KIAA0825: variants seen among roughly 807,000 people sequenced by gnomAD.
The protein encoded by KIAA0825 is KIAA0825.
KIAA0825 carries 119 observed loss-of-function variants against 147.6 expected under a neutral mutation model. That is an observed-to-expected ratio of 0.81 (90% CI 0.69 to 0.94). The LOEUF (loss-of-function observed/expected upper bound fraction) is 0.94, where lower values mean the gene tolerates loss of function less well. Ranked by LOEUF, KIAA0825 falls within the 40% of genes least tolerant of loss-of-function variation. The probability of loss-of-function intolerance (pLI) is 0.00; values close to 1 mark genes in which losing one functional copy is unlikely to be tolerated. For missense variants in KIAA0825, 1,381 were observed against 1,472.7 expected (o/e 0.94, Z 1.02); for synonymous variants, 470 against 518.1 (o/e 0.91, Z 1.26).
chr5:94,479,258 C>G (rs1762225537), intron 6 of KIAA0825, among the ~76,000 whole-genome samples: 1 of 152,180 alleles, frequency 6.6e-6, no homozygotes, highest in African/African-American at 2.4e-5. Context: ...CATCCCTCCT[C>G]CCCATAACCC....
chr5:94,413,249 C>T (rs751808754), intron 15 of KIAA0825: 1 of 152,130 alleles, frequency 6.6e-6, no homozygotes, highest in Non-Finnish European at 1.5e-5. Flanking sequence ...CATGCTTGGC[C>T]GAGTATATGG....
chr5:94,311,318 G>T (rs1304854689), intron 20 of KIAA0825, among the ~76,000 whole-genome samples: 1 of 150,738 alleles, frequency 6.6e-6, no homozygotes, highest in Non-Finnish European at 1.5e-5. Context: ...AAGAGCAGGG[G>T]GACGAATCTG....
At chr5:94,558,532 AT>A (rs200302872) in intron 2 of KIAA0825, among the ~76,000 whole-genome samples, 5 of 152,056 alleles carry the variant, frequency 3.3e-5, no homozygotes, top group African/African-American at 9.7e-5. Flanking sequence ...CAACACTTAC[AT>A]TTTTTTCCCT....
At chr5:94,449,837 G>C (rs1026160981) in intron 13 of KIAA0825, among the ~76,000 whole-genome samples, 1 of 152,180 alleles carries the variant, frequency 6.6e-6, no homozygotes, top group African/African-American at 2.4e-5. Context: ...CCAGCACTTT[G>C]GGAGGCCAAG....
chr5:94,611,095 C>A (rs1286410533), intron 1 of KIAA0825, among the ~76,000 whole-genome samples: 1 of 151,936 alleles, frequency 6.6e-6, no homozygotes, highest in Non-Finnish European at 1.5e-5. Context: ...TCTTAGCAAA[C>A]AAATAACAAA....
intron 20 of KIAA0825, among the ~76,000 whole-genome samples, chr5:94,287,601 A>G (rs1329731552): frequency 3.9e-5 from 6 of 152,186 alleles, no homozygotes; most frequent in African/African-American, 1.4e-4. Context: ...TCAAGGGCCT[A>G]AGAAATGATA....
At chr5:94,245,756 A>G (rs1422975169) in intron 20 of KIAA0825, among the ~76,000 whole-genome samples, 1 of 152,178 alleles carries the variant, frequency 6.6e-6, no homozygotes, top group Non-Finnish European at 1.5e-5. Flanking sequence ...ATATGATGGT[A>G]GAGACAGTTC....
chr5:94,480,602 C>T (rs188457275), intron 6 of KIAA0825, among the ~76,000 whole-genome samples: 21 of 151,964 alleles, frequency 1.4e-4, no homozygotes, highest in South Asian at 6.3e-4. Flanking sequence ...TTAAGACTTA[C>T]GGAAAAAGTT....
At chr5:94,212,941 C>T (rs184834251) in intron 20 of KIAA0825, among the ~76,000 whole-genome samples, 1 of 152,188 alleles carries the variant, frequency 6.6e-6, no homozygotes, top group Admixed American at 6.5e-5. Context: ...TAATATGAAT[C>T]ATATTAATTA....
At chr5:94,592,176 A>G (rs1043748521) in intron 1 of KIAA0825, among the ~76,000 whole-genome samples, 44 of 152,244 alleles carry the variant, frequency 2.9e-4, no homozygotes, top group Non-Finnish European at 6.2e-4. Flanking sequence ...TACACAGTCC[A>G]AAGTTTCACC....
chr5:94,393,835 CAAG>C (rs1325771943), intron 17 of KIAA0825, among the ~76,000 whole-genome samples: 1 of 149,392 alleles, frequency 6.7e-6, no homozygotes, highest in African/African-American at 2.5e-5. Context: ...AAATCAAAGT[CAAG>C]AAGAAACACT....
intron 5 of KIAA0825, among the ~76,000 whole-genome samples, chr5:94,498,651 A>G (rs1251981445): frequency 2.0e-5 from 3 of 152,206 alleles, no homozygotes; most frequent in Non-Finnish European, 4.4e-5. Flanking sequence ...GGAAGAACAA[A>G]GATGTCACTT....
intron 2 of KIAA0825, among the ~76,000 whole-genome samples, chr5:94,560,778 A>G (rs919873047): frequency 2.0e-5 from 3 of 152,208 alleles, no homozygotes; most frequent in Admixed American, 6.5e-5. Context: ...TTTCTTGCTG[A>G]AAAACCTCCC....
intron 16 of KIAA0825, 59 bp downstream of exon 16, chr5:94,403,510 A>G: frequency 7.8e-7 from 1 of 1,281,420 alleles, no homozygotes; most frequent in Non-Finnish European, 1.1e-6. Flanking sequence ...ACTTGATTAC[A>G]TACCCTAGAA....
At chr5:94,339,533 C>A (rs1391291865) in intron 20 of KIAA0825, among the ~76,000 whole-genome samples, 1 of 152,140 alleles carries the variant, frequency 6.6e-6, no homozygotes, top group African/African-American at 2.4e-5. Context: ...GTAGCGTCAA[C>A]GCATTTTTAT....
chr5:94,388,464 T>G (rs1027519856), intron 18 of KIAA0825, among the ~76,000 whole-genome samples: 15 of 152,202 alleles, frequency 9.9e-5, no homozygotes, highest in African/African-American at 3.6e-4. Context: ...GAAAATAGTT[T>G]TATGCCTAGA....
intron 20 of KIAA0825, among the ~76,000 whole-genome samples, chr5:94,366,766 G>A (rs936218388): frequency 6.6e-6 from 1 of 152,164 alleles, no homozygotes; most frequent in Admixed American, 6.5e-5. Context: ...AATTTATTTA[G>A]TAAGGCCATT....
rs1037458048 is a variant in KIAA0825, at chr5:94,511,441, G to A, written c.970+8807C>T. On this transcript the variant is annotated intron_variant, in intron 5 of 20. Transcript: ENST00000682413. ...TTCCAGACCAGCCTGACCAACATGG[G>A]GAAACCCCTTCTCTACTAAAAATAC... Among the ~76,000 whole-genome samples, 6 of 151,688 alleles carry A rather than the reference G, an allele frequency of 4.0e-5. No homozygotes were observed. In the East Asian group the frequency reaches 1.2e-3, roughly 30 times the overall value.
At position 94,169,654 on chromosome 5, in the gene KIAA0825, G is replaced by A. The variant is rs866144290; in HGVS notation, c.3711-15530C>T. On this transcript the variant is annotated intron_variant, in intron 20 of 20. Coordinates refer to ENST00000682413, the MANE Select transcript of KIAA0825 (RefSeq NM_001145678.3). ...TGCCTTTACTCTTCATCGAGTCACT[G>A]CCTATATGTTCATATTCATAAAGAT... is the stretch of plus-strand genomic sequence containing the variant. Among the ~76,000 whole-genome samples the A allele has an allele frequency of 2.1e-4, 32 of 151,638 alleles. 2 individuals carry two copies. In the South Asian group the frequency reaches 6.5e-3, roughly 31 times the overall value.
Sources: allele counts gnomAD v4.1 joint callset (sites outside exome capture counted in the v4.1 genomes callset), GRCh38; gene constraint gnomAD v4.1.1; transcripts MANE v1.5; gene names NCBI Gene and HGNC (gene_info 2026-07-23, HGNC 2026-07-21).